RGS6: variants seen among roughly 807,000 people sequenced by gnomAD.
RGS6 encodes the protein regulator of G protein signaling 6.
In RGS6, 30 loss-of-function variants were observed where a neutral mutation model predicts 78.5. The observed-to-expected ratio is 0.38, with a 90% CI of 0.29 to 0.52. The LOEUF is 0.52. RGS6 is among the 20% of genes least tolerant of loss of function. The pLI, the probability that RGS6 is intolerant of heterozygous loss-of-function variation, is 0.85. For missense variants in RGS6, 495 were observed against 609.7 expected (o/e 0.81, Z 1.98); for synonymous variants, 206 against 206.0 (o/e 1.00, Z 0.00).
the RGS6 span, among the ~76,000 whole-genome samples, chr14:71,878,412 G>A: frequency 0.01 from 1,590 of 152,252 alleles, 57 homozygotes; most frequent in Admixed American, 0.076. Context: ...TGCTGCTGCC[G>A]CCTTGCAGTT....
intron 2 of RGS6, among the ~76,000 whole-genome samples, chr14:72,137,690 C>T (rs2153604991): frequency 6.6e-6 from 1 of 152,266 alleles, no homozygotes; most frequent in Non-Finnish European, 1.5e-5. Context: ...ATGCATAGAA[C>T]ATGGTTTGGA....
intron 1 of RGS6, among the ~76,000 whole-genome samples, chr14:71,953,473 G>A (rs1248625805): frequency 6.6e-6 from 1 of 151,722 alleles, no homozygotes; most frequent in African/African-American, 2.4e-5. Context: ...ATAAAATACT[G>A]TTCTTTCAAC....
intron 2 of RGS6, among the ~76,000 whole-genome samples, chr14:72,152,401 G>A (rs890121185): frequency 1.4e-4 from 21 of 152,244 alleles, no homozygotes; most frequent in Middle Eastern, 3.4e-3. Context: ...TTGCTCCAGA[G>A]GGTAGTACGT....
chr14:72,167,653 T>G (rs978944753), intron 2 of RGS6, among the ~76,000 whole-genome samples: 5 of 152,194 alleles, frequency 3.3e-5, no homozygotes, highest in African/African-American at 1.2e-4. Flanking sequence ...CACCCATGAT[T>G]ATTACTATCA....
At chr14:71,942,846 G>A (rs2090852184) in intron 1 of RGS6, among the ~76,000 whole-genome samples, 2 of 151,318 alleles carry the variant, frequency 1.3e-5, no homozygotes, top group South Asian at 4.2e-4. Context: ...GTAAATATTT[G>A]GATATGAACA....
intron 2 of RGS6, among the ~76,000 whole-genome samples, chr14:72,195,289 A>G (rs1446205003): frequency 6.6e-6 from 1 of 152,290 alleles, no homozygotes; most frequent in East Asian, 1.9e-4. Flanking sequence ...CTGTTGTCAT[A>G]CTTGAGTCCT....
chr14:72,126,602 G>C (rs1380664909), intron 2 of RGS6, among the ~76,000 whole-genome samples: 3 of 152,146 alleles, frequency 2.0e-5, no homozygotes, highest in Non-Finnish European at 4.4e-5. Context: ...ATTCCTTAAG[G>C]CCTTTTGGGT....
intron 2 of RGS6, among the ~76,000 whole-genome samples, chr14:72,302,679 C>G (rs111361979): frequency 2.1e-5 from 3 of 145,070 alleles, no homozygotes; most frequent in African/African-American, 8.3e-5. Flanking sequence ...CACACATACA[C>G]ATACACACAC....
chr14:72,479,920 C>A (rs1413119370), intron 12 of RGS6, among the ~76,000 whole-genome samples: 1 of 152,172 alleles, frequency 6.6e-6, no homozygotes, highest in Non-Finnish European at 1.5e-5. Flanking sequence ...GCTAGCAATG[C>A]TCATGTCTGG....
At chr14:72,164,192 T>C (rs2096892957) in intron 2 of RGS6, among the ~76,000 whole-genome samples, 1 of 152,182 alleles carries the variant, frequency 6.6e-6, no homozygotes, top group South Asian at 2.1e-4. Flanking sequence ...TTTTCTTTTA[T>C]GCAAAGGGAT....
chr14:72,052,704 T>C (rs1252242144), intron 2 of RGS6, among the ~76,000 whole-genome samples: 13 of 152,216 alleles, frequency 8.5e-5, no homozygotes, highest in Admixed American at 8.5e-4. Context: ...GTTCAAGTGA[T>C]TAAATCTGGT....
chr14:72,451,289 T>C (rs1010438505), intron 3 of RGS6, among the ~76,000 whole-genome samples: 1 of 152,206 alleles, frequency 6.6e-6, no homozygotes, highest in Non-Finnish European at 1.5e-5. Context: ...CTCCACTCTG[T>C]GGTCTCCATG....
chr14:72,057,313 GA>G (rs71109718), intron 2 of RGS6, among the ~76,000 whole-genome samples: 611 of 56,130 alleles, frequency 0.011, 3 homozygotes, highest in African/African-American at 0.034. Context: ...GACTCTATCT[GA>G]AAAAAAAAAA....
intron 17 of RGS6, among the ~76,000 whole-genome samples, chr14:72,548,924 A>C (rs1301006398): frequency 6.6e-6 from 1 of 152,244 alleles, no homozygotes; most frequent in African/African-American, 2.4e-5. Flanking sequence ...TTAGAAGCTG[A>C]ATGGCCAAGG....
At chr14:72,304,328 A>G (rs2066754988) in intron 2 of RGS6, among the ~76,000 whole-genome samples, 1 of 152,218 alleles carries the variant, frequency 6.6e-6, no homozygotes, top group Non-Finnish European at 1.5e-5. Flanking sequence ...ATAGGAGGTG[A>G]TTAGAACTAG....
chr14:72,231,062 A>G (rs1471381446), intron 2 of RGS6, among the ~76,000 whole-genome samples: 1 of 152,074 alleles, frequency 6.6e-6, no homozygotes, highest in African/African-American at 2.4e-5. Flanking sequence ...CTGATTGATG[A>G]TTGGAGGAAT....
At chr14:72,246,474 A>G (rs2054241288) in intron 2 of RGS6, among the ~76,000 whole-genome samples, 2 of 152,244 alleles carry the variant, frequency 1.3e-5, no homozygotes, top group Admixed American at 1.3e-4. Flanking sequence ...AAATGTAATT[A>G]AAAATTATTA....
intron 17 of RGS6, chr14:72,541,480 A>G: frequency 6.5e-7 from 1 of 1,535,672 alleles, no homozygotes; most frequent in South Asian, 1.2e-5. Context: ...AATGTGCAGA[A>G]CACAAGGCCT....
chr14:72,627,562 G>A, the RGS6 span, among the ~76,000 whole-genome samples: 1 of 152,000 alleles, frequency 6.6e-6, no homozygotes, highest in African/African-American at 2.4e-5. Flanking sequence ...AGGCTTTACA[G>A]TATGTTTTAA....
Sources: gnomAD v4.1 joint callset for allele counts (sites outside exome capture counted in the v4.1 genomes callset) on GRCh38, gnomAD v4.1.1 for gene constraint, MANE v1.5 for transcripts, NCBI Gene and HGNC (gene_info 2026-07-23, HGNC 2026-07-21) for gene names.